The following SDK1 variants were observed in gnomAD, a reference collection of about 807,000 sequenced individuals.
The protein encoded by SDK1 is protein sidekick-1.
SDK1 carries 157 observed loss-of-function variants against 245.5 expected under a neutral mutation model. That is an observed-to-expected ratio of 0.64 (90% CI 0.56 to 0.73). The LOEUF is 0.73. SDK1 is among the 30% of genes least tolerant of loss of function. The pLI, the probability that SDK1 is intolerant of heterozygous loss-of-function variation, is 0.00. For synonymous variants in SDK1, 1,647 were observed against 1,278.5 expected (o/e 1.29, Z -6.15); for missense variants, 3,583 against 3,002.3 (o/e 1.19, Z -4.52).
intron 12 of SDK1, among the ~76,000 whole-genome samples, chr7:3,972,060 G>T (rs1008484328): frequency 4.7e-5 from 7 of 149,784 alleles, no homozygotes; most frequent in African/African-American, 1.5e-4. Context: ...CCAAGAGGGA[G>T]GCCAGATGTG....
At chr7:3,542,538 T>C (rs1779083562) in intron 1 of SDK1, among the ~76,000 whole-genome samples, 1 of 152,216 alleles carries the variant, frequency 6.6e-6, no homozygotes, top group Non-Finnish European at 1.5e-5. Flanking sequence ...GCCTGGCCTA[T>C]GGTAGGTTAG....
intron 4 of SDK1, among the ~76,000 whole-genome samples, chr7:3,770,769 C>G (rs1057454481): frequency 3.9e-5 from 6 of 152,068 alleles, no homozygotes; most frequent in African/African-American, 1.4e-4. Flanking sequence ...CCAGGCTTAC[C>G]TTCTGTTGTC....
chr7:4,165,382 C>T (rs1293264097), intron 32 of SDK1, among the ~76,000 whole-genome samples: 2 of 149,884 alleles, frequency 1.3e-5, no homozygotes, highest in Admixed American at 6.6e-5. Flanking sequence ...CAAACAAACA[C>T]GGGCTGTAAT....
At chr7:3,524,226 G>A (rs915901209) in intron 1 of SDK1, among the ~76,000 whole-genome samples, 6 of 152,132 alleles carry the variant, frequency 3.9e-5, no homozygotes, top group Non-Finnish European at 8.8e-5. Context: ...GTTTGTATAG[G>A]GCTTTCTAAA....
intron 10 of SDK1, among the ~76,000 whole-genome samples, chr7:3,968,022 C>A (rs915308706): frequency 6.6e-6 from 1 of 152,264 alleles, no homozygotes; most frequent in African/African-American, 2.4e-5. Context: ...TCTATCCACG[C>A]CCTTCAGAGA....
At chr7:3,321,382 C>T (rs945447367) in intron 1 of SDK1, among the ~76,000 whole-genome samples, 39 of 152,246 alleles carry the variant, frequency 2.6e-4, no homozygotes, top group Admixed American at 2.1e-3. Flanking sequence ...TTGTGAGCTG[C>T]GAACTTTGTC....
intron 5 of SDK1, among the ~76,000 whole-genome samples, chr7:3,891,327 G>T (rs546214541): frequency 1.3e-5 from 2 of 152,164 alleles, no homozygotes; most frequent in African/African-American, 2.4e-5. Flanking sequence ...CCTCTGCCAG[G>T]TGCACTCTTC....
intron 40 of SDK1, among the ~76,000 whole-genome samples, chr7:4,222,126 G>A (rs1785181779): frequency 6.6e-6 from 1 of 152,132 alleles, no homozygotes. Context: ...CTGCCAATCT[G>A]GCAGGACCAC....
chr7:3,745,821 G>A (rs1253306494), intron 4 of SDK1, among the ~76,000 whole-genome samples: 1 of 152,118 alleles, frequency 6.6e-6, no homozygotes, highest in South Asian at 2.1e-4. Context: ...ATTTGCAAAT[G>A]ATATGTTTAT....
At chr7:4,209,878 A>AC in intron 37 of SDK1, 147 bp from the exon 38 acceptor site, 2 of 758,388 alleles carry the variant, frequency 2.6e-6, no homozygotes, top group Non-Finnish European at 3.9e-6. Context: ...TGATCAATAA[A>AC]TCTTTTCATT....
At chr7:3,511,915 A>G (rs1782592811) in intron 1 of SDK1, among the ~76,000 whole-genome samples, 1 of 148,862 alleles carries the variant, frequency 6.7e-6, no homozygotes, top group Non-Finnish European at 1.5e-5. Flanking sequence ...CATGATCACC[A>G]TCCCCCACCG....
At chr7:3,749,651 G>A (rs1779722499) in intron 4 of SDK1, among the ~76,000 whole-genome samples, 1 of 152,182 alleles carries the variant, frequency 6.6e-6, no homozygotes, top group Non-Finnish European at 1.5e-5. Flanking sequence ...TCTGATACAA[G>A]GATAGAAGTG....
At chr7:3,715,332 C>G (rs1483545718) in intron 4 of SDK1, among the ~76,000 whole-genome samples, 2 of 151,972 alleles carry the variant, frequency 1.3e-5, no homozygotes, top group Non-Finnish European at 2.9e-5. Context: ...TATATTTGAC[C>G]CAGCATTTTC....
chr7:3,718,254 C>G (rs1785260607), intron 4 of SDK1, among the ~76,000 whole-genome samples: 1 of 152,112 alleles, frequency 6.6e-6, no homozygotes, highest in Non-Finnish European at 1.5e-5. Context: ...GATCCCAGCA[C>G]TTTCAAAGGC....
chr7:4,092,199 C>G (rs963221612), intron 22 of SDK1, among the ~76,000 whole-genome samples: 2 of 152,212 alleles, frequency 1.3e-5, no homozygotes, highest in Admixed American at 6.5e-5. Context: ...GTTACATTGA[C>G]TTCTGCTTTC....
At chr7:4,114,419 G>T in intron 25 of SDK1, 145 bp downstream of exon 25, 1 of 662,494 alleles carries the variant, frequency 1.5e-6, no homozygotes, top group South Asian at 1.9e-5. Context: ...CCCGGGTTTG[G>T]CCAGACTCGG....
At chr7:3,880,212 C>T (rs1051145052) in intron 5 of SDK1, among the ~76,000 whole-genome samples, 1 of 152,158 alleles carries the variant, frequency 6.6e-6, no homozygotes, top group Admixed American at 6.5e-5. Context: ...GCCAGGTGGG[C>T]CTTCATTGCT....
rs1165235265 is a variant in SDK1 at position 3,903,676 on chromosome 7, G to GT, written c.848-47241dup. ...TTCACTCAAAAAATGGTACACACAT[G>GT]TTTTTTAGCACTCATGAAATACTGC... On this transcript the variant is annotated intron_variant, in intron 5 of 44. Transcript: ENST00000404826. Among the ~76,000 whole-genome samples, 10 of 152,284 alleles carry GT rather than the reference G, an allele frequency of 6.6e-5. No individual in the cohort carries two copies. The East Asian group carries it at 1.4e-3, about 21-fold the overall frequency.
intron 35 of SDK1, among the ~76,000 whole-genome samples, chr7:4,202,421 G>GC (rs1783941721): frequency 6.6e-6 from 1 of 152,202 alleles, no homozygotes; most frequent in Admixed American, 6.5e-5. Flanking sequence ...TGGGGGAGCA[G>GC]CCCCCGTGTG....
Sources: allele counts gnomAD v4.1 joint callset (sites outside exome capture counted in the v4.1 genomes callset), GRCh38; gene constraint gnomAD v4.1.1; transcripts MANE v1.5; gene names NCBI Gene and HGNC (gene_info 2026-07-23, HGNC 2026-07-21).